The following ADAMTS9 variants were observed in gnomAD, a reference collection of about 807,000 sequenced individuals.
The protein encoded by ADAMTS9 is ADAM metallopeptidase with thrombospondin type 1 motif 9, also known as A disintegrin and metalloproteinase with thrombospondin motifs 9.
ADAMTS9 carries 107 observed loss-of-function variants against 257.1 expected under a neutral mutation model. The observed-to-expected ratio is 0.42, with a 90% confidence interval of 0.36 to 0.49. The LOEUF (loss-of-function observed/expected upper bound fraction) is 0.49. ADAMTS9 is among the 20% of genes least tolerant of loss of function. The pLI, the probability that ADAMTS9 is intolerant of heterozygous loss-of-function variation, is 0.03. For missense variants in ADAMTS9, 2,353 were observed against 2,469.1 expected (o/e 0.95, Z 1.00); for synonymous variants, 982 against 880.9 (o/e 1.11, Z -2.03).
At chr3:64,557,188 G>T (rs2083349989) in intron 30 of ADAMTS9, among the ~76,000 whole-genome samples, 1 of 152,112 alleles carries the variant, frequency 6.6e-6, no homozygotes, top group Non-Finnish European at 1.5e-5. Context: ...TCAGAGGAAG[G>T]TGGTCTTATG....
chr3:64,539,081 G>A (rs2083088763), intron 37 of ADAMTS9, 122 bp downstream of exon 37: 3 of 938,876 alleles, frequency 3.2e-6, no homozygotes, highest in Admixed American at 2.0e-5. Flanking sequence ...TGATACATGT[G>A]GCCAAACTGC....
intron 37 of ADAMTS9, among the ~76,000 whole-genome samples, chr3:64,535,860 T>A (rs975976271): frequency 6.6e-6 from 1 of 151,658 alleles, no homozygotes; most frequent in African/African-American, 2.4e-5. Flanking sequence ...CCCCCAAAAT[T>A]TTCTTATCTT....
At chr3:64,658,201 TTTC>T (rs1254550377) in intron 4 of ADAMTS9, among the ~76,000 whole-genome samples, 4 of 152,234 alleles carry the variant, frequency 2.6e-5, no homozygotes, top group Non-Finnish European at 4.4e-5. Flanking sequence ...GAGACTCAGT[TTTC>T]TTATCTATAA....
At chr3:64,608,258 CA>C (rs57247914) in intron 22 of ADAMTS9, among the ~76,000 whole-genome samples, 6,159 of 53,348 alleles carry the variant, frequency 0.12, 225 homozygotes, top group African/African-American at 0.23. Context: ...AAACTAAAAC[CA>C]AAAAAAAAAA....
chr3:64,522,504 T>G, intron 38 of ADAMTS9: 1 of 345,420 alleles, frequency 2.9e-6, no homozygotes, highest in Non-Finnish European at 5.2e-6. Flanking sequence ...TTTTAAATAA[T>G]TGAGAAAAAG....
At chr3:64,611,469 G>A (rs1041918165) in intron 22 of ADAMTS9, among the ~76,000 whole-genome samples, 4 of 152,222 alleles carry the variant, frequency 2.6e-5, no homozygotes, top group Middle Eastern at 3.4e-3. Context: ...TGGTTGCCAG[G>A]GACTGAGGGA....
chr3:64,524,703 C>A (rs2082889121), intron 38 of ADAMTS9, among the ~76,000 whole-genome samples: 1 of 152,196 alleles, frequency 6.6e-6, no homozygotes, highest in African/African-American at 2.4e-5. Context: ...TGCCTCTTGG[C>A]CCTTCAAGAC....
chr3:64,610,521 T>C (rs1397737808), intron 22 of ADAMTS9, among the ~76,000 whole-genome samples: 4 of 152,104 alleles, frequency 2.6e-5, no homozygotes, highest in Admixed American at 6.6e-5. Flanking sequence ...TTTTAAAAAA[T>C]TGGCAAAGAA....
chr3:64,563,976 A>G (rs923870747), intron 29 of ADAMTS9, among the ~76,000 whole-genome samples: 3 of 152,238 alleles, frequency 2.0e-5, no homozygotes, highest in Non-Finnish European at 4.4e-5. Context: ...AGATTTGTGC[A>G]GGCACCCCAT....
At chr3:64,673,388 G>A (rs1050729977) in intron 3 of ADAMTS9, among the ~76,000 whole-genome samples, 2 of 152,108 alleles carry the variant, frequency 1.3e-5, no homozygotes, top group African/African-American at 4.8e-5. Flanking sequence ...TCTAATCCTT[G>A]CAACTGCAGC....
chr3:64,554,642 A>G (rs533522701), intron 30 of ADAMTS9, among the ~76,000 whole-genome samples: 28 of 152,242 alleles, frequency 1.8e-4, no homozygotes, highest in Non-Finnish European at 1.9e-4. Context: ...TATGGCTTTT[A>G]GAAAAATCTC....
Position 64,602,173 on chromosome 3 carries a change from A to G in ADAMTS9, c.3788T>C (p.Val1263Ala). 1.2e-6 allele frequency: 2 copies of G among 1,614,050 alleles called. No individual in the cohort carries two copies. Among genetic ancestry groups the G allele is most frequent in the Non-Finnish European group, 1.7e-6 (2 of 1,179,974 alleles). The part of the protein sequence containing the change: ...TCGQGRATRQ[V>A]MCVNYSDHVI... The stretch of plus-strand genomic sequence containing the variant: ...GTGGTCACTGTAGTTGACACACATC[A>G]CTTGCCGGGTTGCCCTACCTTGCCC... The change falls in exon 26 of 40, where the codon GTG becomes GCG. Residue 1263 changes from valine (V) to alanine (A), a missense_variant. Coordinates refer to ENST00000498707, the MANE Select transcript of ADAMTS9 (RefSeq NM_182920.2).
chr3:64,584,297 T>G (rs1368037786), intron 28 of ADAMTS9, among the ~76,000 whole-genome samples: 2 of 151,982 alleles, frequency 1.3e-5, no homozygotes, highest in Non-Finnish European at 2.9e-5. Flanking sequence ...TAGATTCCCC[T>G]GGGAAAAGGG....
intron 19 of ADAMTS9, among the ~76,000 whole-genome samples, chr3:64,616,511 G>T (rs1559793783): frequency 6.8e-6 from 1 of 146,144 alleles, no homozygotes; most frequent in Non-Finnish European, 1.5e-5. Context: ...TGTAAATAAA[G>T]GCTCTTAAAT....
intron 28 of ADAMTS9, among the ~76,000 whole-genome samples, chr3:64,593,971 G>GTA (rs2084311499): frequency 1.4e-5 from 2 of 146,712 alleles, no homozygotes; most frequent in South Asian, 4.3e-4. Context: ...ATGTGTGTGT[G>GTA]TGTGTGTGTG....
Position 64,603,847 on chromosome 3 carries a change from C to T in ADAMTS9, c.3747+75G>A. The T allele has an allele frequency of 3.4e-6, 5 of 1,486,662 alleles. No homozygotes were observed. In the East Asian group the frequency reaches 9.2e-5, roughly 27 times the overall value. 92.1% of individuals were successfully genotyped at this position (1,486,662 alleles called of 1,614,324 possible). On this transcript the variant is annotated intron_variant, in intron 25 of 39. Coordinates refer to ENST00000498707, the MANE Select transcript of ADAMTS9 (RefSeq NM_182920.2). ...TACCCATTGACATTTCCAAGTGGCGCCCCCCTCCGCTGACTCCTCATAGCC... is the reference window on the plus strand; with the variant it reads ...TACCCATTGACATTTCCAAGTGGCGTCCCCCTCCGCTGACTCCTCATAGCC...
chr3:64,581,767 T>C (rs1250486138), intron 28 of ADAMTS9, among the ~76,000 whole-genome samples: 1 of 152,210 alleles, frequency 6.6e-6, no homozygotes, highest in Non-Finnish European at 1.5e-5. Context: ...TCTTCCACAT[T>C]GGGCACCAGT....
At position 64,686,530 on chromosome 3, in the gene ADAMTS9, A is replaced by G; in HGVS notation, c.516+38T>C. On this transcript the variant is annotated intron_variant, in intron 2 of 39. Transcript: ENST00000498707. This position sits in a 1 kb window ranked among gnomAD's most constrained non-coding sequence, Gnocchi z 4.6. ...TTAAGTCTTCTAGAAGCGGGCGAGG[A>G]GGCGGAAGGGGAGAGGAGGTGGCGC... is the stretch of plus-strand genomic sequence containing the variant. 1 of 1,549,432 alleles carries G rather than the reference A, an allele frequency of 6.5e-7. No homozygotes were observed. Among genetic ancestry groups the G allele is most frequent in the Non-Finnish European group, 8.7e-7 (1 of 1,146,852 alleles).
rs1211119762 is a variant in ADAMTS9, at chr3:64,604,242, A to C, written c.3564T>G (p.Phe1188Leu). Reference protein sequence around the residue: ...TYSAPRTQWRFGSWTPCSATC... With the variant: ...TYSAPRTQWRLGSWTPCSATC... ...TATTTCTTACTGGGGTCCAAGACCC[A>C]AATCGCCACTGGGTTCTTGGTGCAC... The change falls in exon 24 of 40, where the codon TTT becomes TTG. Residue 1188 changes from phenylalanine (F) to leucine (L), a missense_variant. By Grantham distance (22) the Phe-to-Leu change is conservative (BLOSUM62 0). Coordinates refer to ENST00000498707, the MANE Select transcript of ADAMTS9 (RefSeq NM_182920.2). 2 of 1,613,192 alleles carry C rather than the reference A, an allele frequency of 1.2e-6. No homozygotes were observed. The highest frequency in any genetic ancestry group is 2.7e-5 in the African/African-American group (2 of 74,856).
Sources: allele counts gnomAD v4.1 joint callset (sites outside exome capture counted in the v4.1 genomes callset), GRCh38; gene constraint gnomAD v4.1.1; non-coding constraint Gnocchi (gnomAD v3.1); transcripts MANE v1.5; gene names NCBI Gene and HGNC (gene_info 2026-07-23, HGNC 2026-07-21).